Variants in MCM2 observed in about 807,000 individuals in gnomAD.
MCM2 encodes DNA replication licensing factor MCM2.
Under a neutral mutation model 86.4 loss-of-function variants are expected in MCM2, and 49 were observed. The observed-to-expected ratio is 0.57, with a 90% CI of 0.45 to 0.72. The LOEUF (loss-of-function observed/expected upper bound fraction) is 0.72, where lower values mean the gene tolerates loss of function less well. Among genes scored for constraint, MCM2 ranks in the 30% least tolerant of loss-of-function variants. The pLI is 0.00. For synonymous variants in MCM2, 475 were observed against 484.6 expected (o/e 0.98, Z 0.26); for missense variants, 1,038 against 1,259.9 (o/e 0.82, Z 2.67).
At position 127,606,546 on chromosome 3, in the gene MCM2, ACT is replaced by A. The variant is rs768305685; in HGVS notation, c.894-60_894-59del. ...AATTTCCAGGACAGTGTGTTGGGACACTCTCGTCTGCAGCCTGGCCTCACCCT... is the reference window on the plus strand; with the variant it reads ...AATTTCCAGGACAGTGTGTTGGGACACTCGTCTGCAGCCTGGCCTCACCCT... On this transcript the variant is annotated intron_variant, in intron 5 of 15. Transcript: ENST00000265056. This position sits in a 1 kb window ranked among gnomAD's most constrained non-coding sequence, Gnocchi z 4.2. 26 of 1,473,524 alleles carry A rather than the reference ACT, an allele frequency of 1.8e-5. No homozygotes were observed. The highest frequency in any genetic ancestry group is 5.6e-5 in the African/African-American group (4 of 72,034). 91.3% of individuals were successfully genotyped at this position (1,473,524 alleles called of 1,614,324 possible). A position where few individuals can be genotyped will look rare whatever the true frequency, so the allele number is the denominator to read the frequency against.
intron 6 of MCM2, among the ~76,000 whole-genome samples, chr3:127,607,546 C>T (rs17538502): frequency 8.9e-4 from 135 of 152,332 alleles, no homozygotes; most frequent in African/African-American, 2.6e-3. Context: ...CGTCTCGTCT[C>T]GGGTGGGGCA....
chr3:127,608,820 C>G lies in MCM2; in HGVS notation c.1237-12C>G. On this transcript the variant is annotated splice_polypyrimidine_tract_variant and intron_variant, in intron 7 of 15. Coordinates refer to ENST00000265056, the MANE Select transcript of MCM2 (RefSeq NM_004526.4). ...GTTAGGCTCTGACTTCTTGGCCCCT[C>G]CCTTTCCCCAGGAGCTGACTGGCAT... 1.2e-6 allele frequency: 2 copies of G among 1,613,438 alleles called. No homozygotes were observed. The highest frequency in any genetic ancestry group is 1.7e-6 in the Non-Finnish European group (2 of 1,179,500).
intron 13 of MCM2, 138 bp downstream of exon 13, chr3:127,619,416 G>T: frequency 6.5e-6 from 7 of 1,074,618 alleles, no homozygotes; most frequent in Non-Finnish European, 9.2e-6. Context: ...AAAAATGTAG[G>T]TGCCAGGCAC....
At chr3:127,613,800 A>G (rs1015896922) in intron 8 of MCM2, among the ~76,000 whole-genome samples, 1 of 152,258 alleles carries the variant, frequency 6.6e-6, no homozygotes, top group African/African-American at 2.4e-5. Context: ...TATAATGAAC[A>G]GAAATTTATT....
chr3:127,598,470 G>T lies in MCM2; in HGVS notation c.4G>T (p.Ala2Ser), dbSNP rs1180671901. 2 of 1,613,038 alleles carry T rather than the reference G, an allele frequency of 1.2e-6. No individual in the cohort carries two copies. Among genetic ancestry groups the T allele is most frequent in the Non-Finnish European group, 1.7e-6 (2 of 1,179,406 alleles). The change falls in exon 1 of 16, where the codon GCG becomes TCG. Residue 2 changes from alanine (A) to serine (S), a missense_variant and splice_region_variant. Coordinates refer to ENST00000265056, the MANE Select transcript of MCM2 (RefSeq NM_004526.4). Reference sequence around the variant, plus strand: ...CGGAGAGGATCGTGGTACTGCTATGGCGGTGAGCGCGCTGGCGCGTGGCGG... The same window carrying T: ...CGGAGAGGATCGTGGTACTGCTATGTCGGTGAGCGCGCTGGCGCGTGGCGG... MAESSESFTMAS... is the reference protein window; with the variant it reads MSESSESFTMAS...
In MCM2 at chr3:127,609,033, A is replaced by AGGCAGG. The variant is rs765714001; in HGVS notation, c.1428+20_1428+25dup. 2.1e-5 allele frequency: 34 copies of AGGCAGG among 1,612,812 alleles called. No homozygotes were observed. In the South Asian group the frequency reaches 3.4e-4, roughly 16 times the overall value. ...GCAGATCGGAGAGAAGGTAGGTGGA[A>AGGCAGG]GGCAGGGGCAGGGGCTGTCAGGATG... is the stretch of plus-strand genomic sequence containing the variant. On this transcript the variant is annotated intron_variant, in intron 8 of 15. Coordinates refer to ENST00000265056, the MANE Select transcript of MCM2 (RefSeq NM_004526.4).
At chr3:127,613,671 A>G (rs1425014763) in intron 8 of MCM2, among the ~76,000 whole-genome samples, 1 of 152,230 alleles carries the variant, frequency 6.6e-6, no homozygotes, top group Admixed American at 6.5e-5. Context: ...CCTGGCCCAC[A>G]TTTTAAAACA....
At chr3:127,609,143 C>T (rs2074373868) in intron 8 of MCM2, 120 bp downstream of exon 8, 3 of 1,044,292 alleles carry the variant, frequency 2.9e-6, no homozygotes, top group Non-Finnish European at 4.2e-6. Context: ...CCCTGGAGCT[C>T]AGTAAGCTTG....
Position 127,620,857 on chromosome 3 carries a change from A to T in MCM2, c.2425A>T (p.Ser809Cys). ...LESFIDTQKFSVMRSMRKTFA... is the reference protein window; with the variant it reads ...LESFIDTQKFCVMRSMRKTFA... ...GAGCTTCATAGACACACAGAAGTTC[A>T]GCGTCATGCGCAGCATGCGCAAGGT... Residue 809 changes from serine to cysteine, a missense_variant, in exon 14 of 16, where the codon AGC becomes TGC. By Grantham distance (112) the Ser-to-Cys change is moderately radical. Transcript: ENST00000265056. 6.2e-7 allele frequency: 1 copy of T among 1,611,338 alleles called. No homozygotes were observed. Among genetic ancestry groups the T allele is most frequent in the Non-Finnish European group, 8.5e-7 (1 of 1,178,178 alleles).
intron 2 of MCM2, among the ~76,000 whole-genome samples, chr3:127,600,185 G>T (rs1240816149): frequency 2.0e-5 from 3 of 152,216 alleles, no homozygotes; most frequent in Non-Finnish European, 2.9e-5. Context: ...GGAGGCTAAG[G>T]CAGGAGAATC....
At position 127,617,548 on chromosome 3, in the gene MCM2, GC is replaced by G; in HGVS notation, c.1900+145del. On this transcript the variant is annotated intron_variant, in intron 11 of 15. Transcript: ENST00000265056. The surrounding 1 kb of genome is among the most constrained non-coding windows in gnomAD (Gnocchi z 4.1). ...AGGGTTCCCCTCTTCTGCATATCCT[GC>G]CAGAGTGGGGAACAGTGAAAGTGGG... 9.4e-7 allele frequency: 1 copy of G among 1,064,688 alleles called. No individual in the cohort carries two copies. Among genetic ancestry groups the G allele is most frequent in the Non-Finnish European group, 1.3e-6 (1 of 760,040 alleles). The allele number at this position is 1,064,688 out of a possible 1,614,324, so 66.0% of individuals were successfully genotyped here. A position where few individuals can be genotyped will look rare whatever the true frequency, so the allele number is the denominator to read the frequency against.
chr3:127,604,995 T>C lies in MCM2; in HGVS notation c.512T>C (p.Ile171Thr). The change falls in exon 4 of 16, where the codon ATC becomes ACC. Residue 171 changes from isoleucine (I) to threonine (T), a missense_variant. Coordinates refer to ENST00000265056, the MANE Select transcript of MCM2 (RefSeq NM_004526.4). ...GAGGACGAGGAGATGATCGAGAGCA[T>C]CGAGAACCTGGAGGATCTCAAAGGC... ...GEEDEEMIES[I>T]ENLEDLKGHS... 6.2e-7 allele frequency: 1 copy of C among 1,613,900 alleles called. No individual in the cohort carries two copies. The highest frequency in any genetic ancestry group is 1.1e-5 in the South Asian group (1 of 91,082).
chr3:127,619,048 G>A lies in MCM2; in HGVS notation c.2035G>A (p.Val679Met), dbSNP rs776197114. The change falls in exon 13 of 16, where the codon GTG (valine) becomes ATG (methionine). Residue 679 changes from valine (V) to methionine (M), a missense_variant. Around this residue, in one of 4 missense-constraint regions of MCM2, gnomAD observed 336 missense variants for 425.7 expected, o/e 0.79. Transcript: ENST00000265056. ...PVQDEMLARF[V>M]VGSHVRHHPS... ...TTAGGACGAGATGCTGGCCCGCTTCGTGGTGGGCAGCCACGTCAGACACCA... is the reference window on the plus strand; with the variant it reads ...TTAGGACGAGATGCTGGCCCGCTTCATGGTGGGCAGCCACGTCAGACACCA... The A allele has an allele frequency of 4.4e-6, 7 of 1,606,764 alleles. No individual in the cohort carries two copies. Among genetic ancestry groups the A allele is most frequent in the East Asian group, 2.2e-5 (1 of 44,606 alleles).
Position 127,618,065 on chromosome 3 carries a change from C to T in MCM2, c.1997C>T (p.Thr666Ile), listed in dbSNP as rs756055737. ...RFDILCVVRD[T>I]VDPVQDEMLA... is the part of the protein sequence containing the mutation. ...GACATCCTGTGTGTGGTGAGGGACA[C>T]CGTGGACCCAGTCCAGGTATAGCTC... Residue 666 changes from threonine (T) to isoleucine (I), a missense_variant, in exon 12 of 16, where the codon ACC (threonine) becomes ATC (isoleucine). Thr to Ile is a moderately conservative substitution (Grantham distance 89). This residue lies in a region of MCM2 where 336 missense variants were observed against 425.7 expected (regional missense o/e 0.79). Transcript: ENST00000265056. This position sits in a 1 kb window ranked among gnomAD's most constrained non-coding sequence, Gnocchi z 4.0. 1 of 1,613,954 alleles carries T rather than the reference C, an allele frequency of 6.2e-7. No individual in the cohort carries two copies. Among genetic ancestry groups the T allele is most frequent in the East Asian group, 2.2e-5 (1 of 44,868 alleles).
chr3:127,615,989 G>A lies in MCM2; in HGVS notation c.1522+34G>A. 3 of 1,522,548 alleles carry A rather than the reference G, an allele frequency of 2.0e-6. No individual in the cohort carries two copies. In the South Asian group the frequency reaches 3.4e-5, roughly 17 times the overall value. The allele number at this position is 1,522,548 out of a possible 1,614,324, so 94.3% of individuals were successfully genotyped here. On this transcript the variant is annotated intron_variant, in intron 9 of 15. Transcript: ENST00000265056. ...CCACCTTTCCTCTGCAGGGGTGTTA[G>A]CAGCTTTCTCTTTGGGGAGCCAGCA...
Position 127,606,035 on chromosome 3 carries a change from C to A in MCM2, c.674-83C>A. 1.9e-6 allele frequency: 2 copies of A among 1,056,434 alleles called. No homozygotes were observed. Among genetic ancestry groups the A allele is most frequent in the Middle Eastern group, 2.0e-4 (1 of 4,982 alleles). The allele number at this position is 1,056,434 out of a possible 1,614,324, so 65.4% of individuals were successfully genotyped here. A position where few individuals can be genotyped will look rare whatever the true frequency, so the allele number is the denominator to read the frequency against. On this transcript the variant is annotated intron_variant, in intron 4 of 15. Transcript: ENST00000265056. This position sits in a 1 kb window ranked among gnomAD's most constrained non-coding sequence, Gnocchi z 4.2. The stretch of plus-strand genomic sequence containing the variant: ...AAAATCAATGGTCGGGGTGGGTAGG[C>A]CTTGCTTCTCACACAGGCATTGTTG...
At chr3:127,608,598 G>C in intron 7 of MCM2, 82 bp downstream of exon 7, 1 of 1,565,994 alleles carries the variant, frequency 6.4e-7, no homozygotes, top group Non-Finnish European at 8.7e-7. Context: ...CGGTGGCGGT[G>C]TCTATGGTCG....
At chr3:127,615,771 G>A in intron 8 of MCM2, 91 bp from the exon 9 acceptor site, 1 of 877,134 alleles carries the variant, frequency 1.1e-6, no homozygotes, top group Admixed American at 1.7e-5. Flanking sequence ...TTTGAGCTGG[G>A]GATGTCGTGG....
chr3:127,611,904 T>A (rs537477405), intron 8 of MCM2, among the ~76,000 whole-genome samples: 11 of 150,610 alleles, frequency 7.3e-5, no homozygotes, highest in African/African-American at 2.2e-4. Flanking sequence ...TTTCACCGTT[T>A]TAGCCGGGAT....
Sources: allele counts gnomAD v4.1 joint callset (sites outside exome capture counted in the v4.1 genomes callset), GRCh38; gene constraint gnomAD v4.1.1; regional missense constraint gnomAD v4.1.1; non-coding constraint Gnocchi (gnomAD v3.1); transcripts MANE v1.5; gene names NCBI Gene and HGNC (gene_info 2026-07-23, HGNC 2026-07-21).